LRRC37A3: variants seen among roughly 807,000 people sequenced by gnomAD.
The protein encoded by LRRC37A3 is leucine-rich repeat-containing protein 37A3.
A neutral mutation model predicts 106.2 loss-of-function variants in LRRC37A3; 25 were observed. The ratio of observed to expected loss-of-function variants is 0.24; its 90% CI spans 0.17 to 0.33. LRRC37A3 has a LOEUF of 0.33. Ranked by LOEUF, LRRC37A3 falls within the 10% of genes least tolerant of loss-of-function variation. The pLI, the probability that LRRC37A3 is intolerant of heterozygous loss-of-function variation, is 1.00. For missense variants in LRRC37A3, 712 were observed against 1,644.9 expected, an observed-to-expected ratio of 0.43 and a Z score of 9.81; for synonymous variants, 305 against 635.8, an observed-to-expected ratio of 0.48 and a Z score of 7.83.
At position 64,896,849 on chromosome 17, in the gene LRRC37A3, G is replaced by A. The variant is rs770927546; in HGVS notation, c.409C>T (p.Leu137=). ...LASQQDLKDK[L]SPQERLPVSP... ...ACAGGGAGCCTTTCCTGTGGACTCA[G>A]CTTGTCCTTTAAATCCTGCTGTGAA... Residue 137 remains leucine, a synonymous_variant, in exon 4 of 15, where the codon CTG becomes TTG. Transcript: ENST00000584306. 1.2e-6 allele frequency: 2 copies of A among 1,609,822 alleles called. No individual in the cohort carries two copies. Among genetic ancestry groups the A allele is most frequent in the Non-Finnish European group, 1.7e-6 (2 of 1,179,912 alleles).
At chr17:64,893,575 G>C (rs1203226298) in intron 4 of LRRC37A3, among the ~76,000 whole-genome samples, 213 of 136,258 alleles carry the variant, frequency 1.6e-3, no homozygotes, top group African/African-American at 6.4e-3. Flanking sequence ...AGCACCAATG[G>C]TCTGCATTAT....
Position 64,896,076 on chromosome 17 carries a change from A to C in LRRC37A3, c.1182T>G (p.Val394=). 6.3e-7 allele frequency: 1 copy of C among 1,577,932 alleles called. No homozygotes were observed. The highest frequency in any genetic ancestry group is 1.1e-5 in the South Asian group (1 of 90,610). ...GAGTTTGATGGTGACCTGGAGGTGA[A>C]ACTGTGACTTCATGATGTTCTGGAG... ...GQPPEHHEVT[V]SPPGHHQTHH... is the part of the protein sequence containing the mutation. The change falls in exon 4 of 15, where the codon GTT becomes GTG. Residue 394 remains valine, a synonymous_variant. Transcript: ENST00000584306.
rs772213602 is a variant in LRRC37A3 at position 64,896,738 on chromosome 17, G to A, written c.520C>T (p.Gln174Ter). ...IGIIHQLSTP[Q>*]SQKQTLQNEY... ...TTCTGCAAAGTCTGTTTCTGACTCT[G>A]AGGTGTGGATAATTGGTGTATAATT... Residue 174 changes from glutamine to a stop codon, truncating the protein, a stop_gained, in exon 4 of 15, where the codon CAG becomes TAG. Coordinates refer to ENST00000584306, the MANE Select transcript of LRRC37A3 (RefSeq NM_199340.5). LOFTEE classifies it high-confidence loss of function. 1.9e-6 allele frequency: 3 copies of A among 1,603,974 alleles called. No individual in the cohort carries two copies. Among genetic ancestry groups the A allele is most frequent in the South Asian group, 1.1e-5 (1 of 91,072 alleles).
intron 8 of LRRC37A3, among the ~76,000 whole-genome samples, chr17:64,872,420 C>T (rs1187198116): frequency 3.3e-5 from 5 of 152,080 alleles, no homozygotes; most frequent in Admixed American, 6.5e-5. Context: ...CCAGAGGGAG[C>T]AGAATGGAGA....
intron 4 of LRRC37A3, among the ~76,000 whole-genome samples, chr17:64,893,862 C>T (rs1229978114): frequency 6.7e-6 from 1 of 148,216 alleles, no homozygotes; most frequent in African/African-American, 2.6e-5. Context: ...CCATGTTAGC[C>T]AGGATGGTCT....
chr17:64,862,062 CT>C (rs1375290608), intron 11 of LRRC37A3, among the ~76,000 whole-genome samples: 2 of 150,454 alleles, frequency 1.3e-5, no homozygotes, highest in Non-Finnish European at 1.5e-5. Context: ...GTTAACAAAG[CT>C]TTTCTGCCCG....
intron 2 of LRRC37A3, chr17:64,899,840 C>G (rs1322542994): frequency 2.0e-5 from 3 of 150,890 alleles, no homozygotes; most frequent in Non-Finnish European, 4.4e-5. Flanking sequence ...GTTCTGCTCT[C>G]CAAACTTCAA....
At chr17:64,911,145 T>G (rs1483261089) in intron 2 of LRRC37A3, among the ~76,000 whole-genome samples, 2 of 151,918 alleles carry the variant, frequency 1.3e-5, no homozygotes, top group Non-Finnish European at 2.9e-5. Flanking sequence ...CTATACATAT[T>G]TTAAAGAGCT....
chr17:64,858,595 T>G (rs1456043106), intron 13 of LRRC37A3, among the ~76,000 whole-genome samples, 184 bp downstream of exon 13: 2 of 152,152 alleles, frequency 1.3e-5, no homozygotes, highest in Admixed American at 6.5e-5. Flanking sequence ...GAAGCGAGGA[T>G]CCTTTAAAAA....
At chr17:64,915,778 A>T (rs1974689097) in intron 2 of LRRC37A3, among the ~76,000 whole-genome samples, 1 of 152,222 alleles carries the variant, frequency 6.6e-6, no homozygotes, top group Non-Finnish European at 1.5e-5. Context: ...TATATCCAAA[A>T]TATATAAAGA....
At chr17:64,880,014 T>C (rs577771019) in intron 8 of LRRC37A3, among the ~76,000 whole-genome samples, 1 of 152,194 alleles carries the variant, frequency 6.6e-6, no homozygotes, top group East Asian at 1.9e-4. Context: ...TCCCTCTTTC[T>C]TGATAGCTCA....
At chr17:64,913,366 A>G (rs1440941828) in intron 2 of LRRC37A3, among the ~76,000 whole-genome samples, 2 of 124,764 alleles carry the variant, frequency 1.6e-5, no homozygotes, top group Non-Finnish European at 3.2e-5. Flanking sequence ...TTTGAAATGG[A>G]GTCTTGCTCT....
At chr17:64,872,909 C>CT (rs1973369942) in intron 8 of LRRC37A3, among the ~76,000 whole-genome samples, 1 of 152,148 alleles carries the variant, frequency 6.6e-6, no homozygotes, top group South Asian at 2.1e-4. Context: ...TGTAAATTGT[C>CT]TAGCTGAGTG....
At chr17:64,877,889 A>G (rs1329408488) in intron 8 of LRRC37A3, among the ~76,000 whole-genome samples, 1 of 152,224 alleles carries the variant, frequency 6.6e-6, no homozygotes, top group Non-Finnish European at 1.5e-5. Flanking sequence ...AGGGTGCTGA[A>G]ACAATTCTAC....
chr17:64,874,370 G>T (rs1388763150), intron 8 of LRRC37A3, among the ~76,000 whole-genome samples: 1 of 149,068 alleles, frequency 6.7e-6, no homozygotes, highest in African/African-American at 2.5e-5. Context: ...CCTACGCCCG[G>T]CAGCCGCCCC....
chr17:64,854,675 G>T (rs759021479), intron 14 of LRRC37A3, 31 bp from the exon 15 acceptor site: 1 of 1,612,782 alleles, frequency 6.2e-7, no homozygotes, highest in South Asian at 1.1e-5. Flanking sequence ...CCAAGGTTTT[G>T]ATTCTTGAAA....
intron 2 of LRRC37A3, among the ~76,000 whole-genome samples, chr17:64,916,361 C>T (rs1479424057): frequency 9.9e-5 from 15 of 151,596 alleles, no homozygotes; most frequent in East Asian, 2.0e-4. Flanking sequence ...GTCAAGATCG[C>T]GCCACTGCAC....
intron 8 of LRRC37A3, among the ~76,000 whole-genome samples, chr17:64,878,634 C>A (rs1224080896): frequency 6.6e-6 from 1 of 152,216 alleles, no homozygotes; most frequent in African/African-American, 2.4e-5. Flanking sequence ...CAGCGAGATA[C>A]TACTTTACAC....
At chr17:64,881,764 G>A (rs1435307900) in intron 8 of LRRC37A3, among the ~76,000 whole-genome samples, 1 of 151,278 alleles carries the variant, frequency 6.6e-6, no homozygotes, top group Non-Finnish European at 1.5e-5. Context: ...GAAAGAGCAC[G>A]TCTAGTGCCT....
Sources: gnomAD v4.1 joint callset for allele counts (sites outside exome capture counted in the v4.1 genomes callset) on GRCh38, gnomAD v4.1.1 for gene constraint, MANE v1.5 for transcripts, NCBI Gene and HGNC (gene_info 2026-07-23, HGNC 2026-07-21) for gene names.